C1QTNF5: variants seen among roughly 807,000 people sequenced by gnomAD.
C1QTNF5 encodes complement C1q tumor necrosis factor-related protein 5.
In C1QTNF5, 5 loss-of-function variants were observed where a neutral mutation model predicts 10.9. The ratio of observed to expected loss-of-function variants is 0.46; its 90% CI spans 0.24 to 0.97. The LOEUF is 0.97. C1QTNF5 is among the 50% of genes least tolerant of loss of function. C1QTNF5 has a pLI of 0.19. For missense variants in C1QTNF5, 281 were observed against 339.4 expected, an observed-to-expected ratio of 0.83 and a Z score of 1.35; for synonymous variants, 161 against 156.5, an observed-to-expected ratio of 1.03 and a Z score of -0.22.
chr11:119,342,177 A>G (rs1266933774), upstream of C1QTNF5, among the ~76,000 whole-genome samples: 2 of 152,176 alleles, frequency 1.3e-5, no homozygotes. Context: ...CTGCTCCAGC[A>G]TCGCTTGCCA....
At chr11:119,344,213 A>G, upstream of C1QTNF5, 1 of 1,179,872 alleles carries the variant, frequency 8.5e-7, no homozygotes, top group Non-Finnish European at 1.3e-6. Context: ...TGACCTTCCC[A>G]AGTAGAAGGT....
upstream of C1QTNF5, chr11:119,344,089 T>G (rs960044823): frequency 1.1e-4 from 137 of 1,257,070 alleles, no homozygotes; most frequent in Non-Finnish European, 1.5e-4. Flanking sequence ...CATTGGTGGT[T>G]CTTAAGGACC....
At chr11:119,345,727 C>G, upstream of C1QTNF5, 37 of 1,613,164 alleles carry the variant, frequency 2.3e-5, no homozygotes, top group Non-Finnish European at 3.1e-5. Flanking sequence ...AACCCCACCC[C>G]GTCATCTTGG....
chr11:119,342,909 A>G, upstream of C1QTNF5: 1 of 1,613,036 alleles, frequency 6.2e-7, no homozygotes, highest in Middle Eastern at 1.7e-4. Flanking sequence ...GTGGCTGAGA[A>G]GCCTCCACTG....
At chr11:119,343,865 C>A (rs759510004), upstream of C1QTNF5, 13 of 1,613,852 alleles carry the variant, frequency 8.1e-6, no homozygotes, top group South Asian at 1.4e-4. Context: ...TACACCTCCA[C>A]GTAGTCAAAC....
upstream of C1QTNF5, chr11:119,342,716 G>C (rs757833183): frequency 6.2e-7 from 1 of 1,613,486 alleles, no homozygotes; most frequent in Non-Finnish European, 8.5e-7. Flanking sequence ...AGCTCACTGG[G>C]CCCACAGGGG....
At chr11:119,344,438 C>T (rs1353832592), upstream of C1QTNF5, 1 of 1,586,780 alleles carries the variant, frequency 6.3e-7, no homozygotes, top group Non-Finnish European at 8.6e-7. Flanking sequence ...ATCTGTGCCT[C>T]CATCCAATAG....
chr11:119,343,023 G>C, upstream of C1QTNF5: 1 of 1,588,538 alleles, frequency 6.3e-7, no homozygotes, highest in Non-Finnish European at 8.6e-7. Context: ...GCAGACAGCT[G>C]TTCTGGGCAC....
At chr11:119,344,771 C>G, upstream of C1QTNF5, 1 of 1,613,862 alleles carries the variant, frequency 6.2e-7, no homozygotes, top group Non-Finnish European at 8.5e-7. Context: ...GATGTGGGCA[C>G]CAGGAGTCAG....
chr11:119,342,550 G>T (rs1289714951), upstream of C1QTNF5: 1 of 1,608,944 alleles, frequency 6.2e-7, no homozygotes, highest in Non-Finnish European at 8.5e-7. Flanking sequence ...GGTTCTGTGA[G>T]GTGGGCACCC....
upstream of C1QTNF5, chr11:119,341,210 A>T (rs1243403447): frequency 2.7e-6 from 1 of 367,676 alleles, no homozygotes; most frequent in East Asian, 5.8e-5. Context: ...TGCTCAGTAC[A>T]TTTTTGTTGA....
upstream of C1QTNF5, among the ~76,000 whole-genome samples, chr11:119,342,278 C>G (rs1950510220): frequency 6.6e-6 from 1 of 152,170 alleles, no homozygotes; most frequent in Admixed American, 6.5e-5. Flanking sequence ...GAAGAAACCC[C>G]CTGCTCTGTG....
At chr11:119,340,465 C>T (rs1950491417) in intron 1 of C1QTNF5, 25 bp from the exon 2 acceptor site, 1 of 1,485,736 alleles carries the variant, frequency 6.7e-7, no homozygotes, top group South Asian at 1.2e-5. Flanking sequence ...GGACTGGAGT[C>T]GGGACCCAGA....
Position 119,340,698 on chromosome 11 carries a change from C to A in C1QTNF5, c.-47G>T, listed in dbSNP as rs999729483. 2.3e-5 allele frequency: 10 copies of A among 434,058 alleles called. No individual in the cohort carries two copies. Among genetic ancestry groups the A allele is most frequent in the Non-Finnish European group, 4.1e-5 (10 of 241,296 alleles). 26.9% of individuals were successfully genotyped at this position (434,058 alleles called of 1,614,324 possible). On this transcript the variant is annotated 5_prime_UTR_variant, in exon 1 of 3. Coordinates refer to ENST00000528368, the MANE Select transcript of C1QTNF5 (RefSeq NM_001278431.2). ...TCCCCTCCTCCGCCAGACTCACCCCCCCTCCCGGCTCCCCGATGGCCTCCT... is the reference window on the plus strand; with the variant it reads ...TCCCCTCCTCCGCCAGACTCACCCCACCTCCCGGCTCCCCGATGGCCTCCT...
chr11:119,340,046 C>T (rs1950485051), intron 2 of C1QTNF5, 138 bp downstream of exon 2: 2 of 1,270,332 alleles, frequency 1.6e-6, no homozygotes, highest in African/African-American at 1.6e-5. Flanking sequence ...CCGCCTGGGC[C>T]CCTCCCCCGC....
At chr11:119,346,582 G>C in the C1QTNF5 span, 2 of 1,509,240 alleles carry the variant, frequency 1.3e-6, no homozygotes, top group Non-Finnish European at 1.8e-6. Context: ...CCCACTCGCT[G>C]ACCACAAACT....
upstream of C1QTNF5, among the ~76,000 whole-genome samples, chr11:119,342,158 C>T (rs1950509246): frequency 6.6e-6 from 1 of 152,202 alleles, no homozygotes; most frequent in Non-Finnish European, 1.5e-5. Context: ...CCCTGCCATC[C>T]CTGAGAGCCT....
At chr11:119,345,111 A>G (rs1950547176), upstream of C1QTNF5, 1 of 1,445,194 alleles carries the variant, frequency 6.9e-7, no homozygotes, top group African/African-American at 1.4e-5. Flanking sequence ...CAAACTGGTG[A>G]CCATGTGGTC....
At chr11:119,344,163 C>A, upstream of C1QTNF5, 2 of 948,236 alleles carry the variant, frequency 2.1e-6, no homozygotes, top group South Asian at 1.4e-5. Context: ...ACACAGCAGG[C>A]ACTTAATAAT....
Sources: allele counts gnomAD v4.1 joint callset (sites outside exome capture counted in the v4.1 genomes callset), GRCh38; gene constraint gnomAD v4.1.1; transcripts MANE v1.5; gene names NCBI Gene and HGNC (gene_info 2026-07-23, HGNC 2026-07-21).